The following PPM1L variants were observed in gnomAD, a reference collection of about 807,000 sequenced individuals.
PPM1L encodes protein phosphatase, Mg2+/Mn2+ dependent 1L, also known as protein phosphatase 1L.
Under a neutral mutation model 31.4 loss-of-function variants are expected in PPM1L, and 13 were observed. The ratio of observed to expected loss-of-function variants is 0.41; its 90% confidence interval spans 0.27 to 0.66. PPM1L has a LOEUF of 0.66. Among genes scored for constraint, PPM1L ranks in the 30% least tolerant of loss-of-function variants. The probability of loss-of-function intolerance (pLI) is 0.29; values close to 1 mark genes in which losing one functional copy is unlikely to be tolerated. For missense variants in PPM1L, 326 were observed against 453.7 expected, an observed-to-expected ratio of 0.72 and a Z score of 2.56; for synonymous variants, 184 against 175.4, an observed-to-expected ratio of 1.05 and a Z score of -0.39.
intron 1 of PPM1L, among the ~76,000 whole-genome samples, chr3:160,811,899 G>A (rs1297215108): frequency 6.6e-6 from 1 of 152,204 alleles, no homozygotes; most frequent in Non-Finnish European, 1.5e-5. Flanking sequence ...AGGCTTGTGT[G>A]CAAATGGGCA....
intron 2 of PPM1L, among the ~76,000 whole-genome samples, chr3:160,994,828 C>G (rs1030688640): frequency 1.3e-5 from 2 of 152,060 alleles, no homozygotes; most frequent in Admixed American, 6.6e-5. Context: ...GAGACAAGAG[C>G]TTGACAGTAT....
At chr3:160,832,395 G>C (rs576911367) in intron 1 of PPM1L, among the ~76,000 whole-genome samples, 19 of 152,202 alleles carry the variant, frequency 1.2e-4, no homozygotes, top group African/African-American at 3.9e-4. Context: ...GACAGGCATG[G>C]AGCTGAGAGA....
chr3:160,970,443 GAAT>G (rs1178066243), intron 2 of PPM1L, among the ~76,000 whole-genome samples: 6 of 115,978 alleles, frequency 5.2e-5, no homozygotes, highest in African/African-American at 2.0e-4. Context: ...TAACCAAGCT[GAAT>G]ATTTTTTTTT....
At chr3:160,837,245 C>G (rs1237009610) in intron 1 of PPM1L, among the ~76,000 whole-genome samples, 2 of 152,026 alleles carry the variant, frequency 1.3e-5, no homozygotes, top group Non-Finnish European at 2.9e-5. Flanking sequence ...TGTGTATATA[C>G]AGTACTTTGG....
At chr3:160,822,929 T>A (rs1466615632) in intron 1 of PPM1L, among the ~76,000 whole-genome samples, 1 of 151,022 alleles carries the variant, frequency 6.6e-6, no homozygotes, top group Non-Finnish European at 1.5e-5. Context: ...GTAAGAAAAA[T>A]AAAATGAGAT....
intron 2 of PPM1L, among the ~76,000 whole-genome samples, chr3:161,037,499 C>T (rs1360872187): frequency 6.6e-6 from 1 of 150,878 alleles, no homozygotes; most frequent in East Asian, 1.9e-4. Flanking sequence ...ACCGCAACCT[C>T]CACCTCCCAG....
chr3:160,778,263 T>C (rs116926271), intron 1 of PPM1L, among the ~76,000 whole-genome samples: 1 of 152,260 alleles, frequency 6.6e-6, no homozygotes, highest in East Asian at 1.9e-4. Context: ...TAGTTCTTTA[T>C]GTAGTCCAGA....
At chr3:160,791,486 A>G (rs1712103467) in intron 1 of PPM1L, among the ~76,000 whole-genome samples, 1 of 152,068 alleles carries the variant, frequency 6.6e-6, no homozygotes, top group Non-Finnish European at 1.5e-5. Flanking sequence ...TTATTGCATA[A>G]TTTTCTTTAA....
At chr3:160,854,903 C>T (rs574397358) in intron 1 of PPM1L, among the ~76,000 whole-genome samples, 11 of 140,446 alleles carry the variant, frequency 7.8e-5, no homozygotes, top group East Asian at 6.3e-4. Flanking sequence ...AAAAAGAGTC[C>T]GAATAGCCAA....
At chr3:160,995,289 G>A (rs1717275230) in intron 2 of PPM1L, among the ~76,000 whole-genome samples, 2 of 152,040 alleles carry the variant, frequency 1.3e-5, no homozygotes, top group Non-Finnish European at 1.5e-5. Context: ...TGCACCAGTA[G>A]CCAGAGGGTT....
chr3:160,993,373 C>T (rs761462635), intron 2 of PPM1L, among the ~76,000 whole-genome samples: 8 of 152,056 alleles, frequency 5.3e-5, no homozygotes, highest in Non-Finnish European at 1.2e-4. Context: ...TGATTCTCTA[C>T]AGGAGATTTG....
chr3:161,035,208 A>AC (rs1553756384), intron 2 of PPM1L, among the ~76,000 whole-genome samples: 12 of 140,464 alleles, frequency 8.5e-5, no homozygotes, highest in Admixed American at 4.3e-4. Flanking sequence ...TTAAAGTATA[A>AC]TTAAAAAAAA....
chr3:161,062,413 C>T (rs1463946938), intron 2 of PPM1L, among the ~76,000 whole-genome samples: 2 of 152,192 alleles, frequency 1.3e-5, no homozygotes, highest in Admixed American at 1.3e-4. Context: ...CCAGTCTAGG[C>T]AATATAGTGA....
At chr3:161,062,137 TG>T (rs59929268) in intron 2 of PPM1L, among the ~76,000 whole-genome samples, 22,626 of 149,846 alleles carry the variant, frequency 0.15, 1,755 homozygotes, top group East Asian at 0.21. Flanking sequence ...TCTCTTTTAG[TG>T]GGGGGGGAAA....
At chr3:160,938,696 A>C (rs1441910368) in intron 1 of PPM1L, among the ~76,000 whole-genome samples, 1 of 152,066 alleles carries the variant, frequency 6.6e-6, no homozygotes, top group Non-Finnish European at 1.5e-5. Context: ...CCTTTAGCCC[A>C]CTCCCCTGTT....
chr3:160,863,159 AT>A (rs1711965404), intron 1 of PPM1L, among the ~76,000 whole-genome samples: 1 of 152,196 alleles, frequency 6.6e-6, no homozygotes, highest in Admixed American at 6.5e-5. Flanking sequence ...ACAAATATAA[AT>A]TGGAATTTTT....
chr3:160,809,028 G>A (rs1299579083), intron 1 of PPM1L, among the ~76,000 whole-genome samples: 2 of 152,158 alleles, frequency 1.3e-5, no homozygotes, highest in African/African-American at 2.4e-5. Flanking sequence ...GCACTGCCAG[G>A]CAGGGAAGGG....
intron 2 of PPM1L, among the ~76,000 whole-genome samples, chr3:160,992,536 A>T (rs574276092): frequency 2.0e-5 from 3 of 152,248 alleles, no homozygotes; most frequent in Non-Finnish European, 2.9e-5. Context: ...GAAGAATTCG[A>T]GGGATATACC....
intron 1 of PPM1L, among the ~76,000 whole-genome samples, chr3:160,839,415 TA>T (rs943126871): frequency 9.9e-5 from 15 of 151,254 alleles, no homozygotes; most frequent in African/African-American, 3.4e-4. Context: ...TAAGGGGAAG[TA>T]AAAAAAAAGT....
Sources: gnomAD v4.1 joint callset for allele counts (sites outside exome capture counted in the v4.1 genomes callset) on GRCh38, gnomAD v4.1.1 for gene constraint, MANE v1.5 for transcripts, NCBI Gene and HGNC (gene_info 2026-07-23, HGNC 2026-07-21) for gene names.